EPM2A: variants seen among roughly 807,000 people sequenced by gnomAD.
EPM2A encodes EPM2A glucan phosphatase, laforin, also known as laforin.
A neutral mutation model predicts 26.5 loss-of-function variants in EPM2A; 21 were observed. The ratio of observed to expected loss-of-function variants is 0.79; its 90% confidence interval spans 0.56 to 1.14. The LOEUF is 1.14. Among genes scored for constraint, EPM2A ranks in the 50% most tolerant of loss-of-function variants. The pLI is 0.00. For missense variants in EPM2A, 458 were observed against 440.8 expected, an observed-to-expected ratio of 1.04 and a Z score of -0.35; for synonymous variants, 217 against 177.6, an observed-to-expected ratio of 1.22 and a Z score of -1.76.
At chr6:145,600,443 T>C (rs546472463) in intron 2 of EPM2A, among the ~76,000 whole-genome samples, 1 of 152,198 alleles carries the variant, frequency 6.6e-6, no homozygotes, top group Non-Finnish European at 1.5e-5. Context: ...CCGCCTAAAG[T>C]GCTGTCCTTT....
chr6:145,546,247 G>C (rs1780581704), intron 2 of EPM2A, among the ~76,000 whole-genome samples: 1 of 152,144 alleles, frequency 6.6e-6, no homozygotes, highest in Admixed American at 6.6e-5. Context: ...GCTGGTGCAA[G>C]TTCCAGAGTA....
intron 2 of EPM2A, among the ~76,000 whole-genome samples, chr6:145,684,563 C>T (rs1268389399): frequency 1.3e-5 from 2 of 152,150 alleles, no homozygotes; most frequent in Admixed American, 6.6e-5. Flanking sequence ...CTCTTCTATA[C>T]TTCACTCATT....
At chr6:145,578,361 T>C (rs1050483820) in intron 2 of EPM2A, among the ~76,000 whole-genome samples, 12 of 152,028 alleles carry the variant, frequency 7.9e-5, no homozygotes, top group African/African-American at 2.9e-4. Context: ...AAGGAGACAT[T>C]ACAACGGATA....
chr6:145,668,306 T>A (rs1373398406), intron 2 of EPM2A, among the ~76,000 whole-genome samples: 1 of 151,930 alleles, frequency 6.6e-6, no homozygotes, highest in East Asian at 1.9e-4. Flanking sequence ...ATGGTCAAGA[T>A]AATAAGATGG....
chr6:145,448,568 C>T (rs1012425855), intron 4 of EPM2A, among the ~76,000 whole-genome samples: 4 of 152,060 alleles, frequency 2.6e-5, no homozygotes, highest in Non-Finnish European at 5.9e-5. Context: ...TAAAATAATG[C>T]TTGATGTTTA....
downstream of EPM2A, among the ~76,000 whole-genome samples, chr6:145,499,870 G>T (rs756395087): frequency 3.3e-5 from 5 of 152,168 alleles, no homozygotes; most frequent in Admixed American, 6.5e-5. Context: ...AGTTACATTA[G>T]GGATGCCTGT....
intron 4 of EPM2A, among the ~76,000 whole-genome samples, chr6:145,392,135 G>T (rs965287499): frequency 6.6e-5 from 10 of 152,180 alleles, no homozygotes; most frequent in African/African-American, 2.4e-4. Flanking sequence ...TTAAAGCTTT[G>T]TTGGTCACAA....
intron 2 of EPM2A, among the ~76,000 whole-genome samples, chr6:145,598,312 C>T (rs1177027200): frequency 2.0e-5 from 3 of 152,170 alleles, no homozygotes; most frequent in East Asian, 3.9e-4. Context: ...ATATACATTT[C>T]CCTAATGATC....
At chr6:145,499,083 C>T (rs929833502), downstream of EPM2A, among the ~76,000 whole-genome samples, 4 of 152,058 alleles carry the variant, frequency 2.6e-5, no homozygotes, top group Admixed American at 1.3e-4. Flanking sequence ...TATAGCCAGA[C>T]TAAACTTTTA....
chr6:145,641,581 C>G (rs1777089239), intron 2 of EPM2A, among the ~76,000 whole-genome samples: 1 of 152,180 alleles, frequency 6.6e-6, no homozygotes, highest in Non-Finnish European at 1.5e-5. Flanking sequence ...TAGAGTCATT[C>G]AATCATCCAG....
intron 2 of EPM2A, among the ~76,000 whole-genome samples, chr6:145,504,396 A>G (rs986493204): frequency 7.3e-6 from 1 of 136,718 alleles, no homozygotes; most frequent in Non-Finnish European, 1.6e-5. Flanking sequence ...ACAAATTTAC[A>G]AGAAAAAAAC....
At chr6:145,728,244 C>T (rs577897229) in intron 1 of EPM2A, among the ~76,000 whole-genome samples, 3 of 152,148 alleles carry the variant, frequency 2.0e-5, no homozygotes, top group Non-Finnish European at 4.4e-5. Flanking sequence ...AGGTGCATTA[C>T]TATAAAGATA....
intron 2 of EPM2A, among the ~76,000 whole-genome samples, chr6:145,663,669 C>G (rs1470089830): frequency 6.8e-6 from 1 of 146,480 alleles, no homozygotes. Flanking sequence ...GAGAACGCCA[C>G]AAAGATACTC....
chr6:145,451,724 G>A (rs1448586920), intron 4 of EPM2A, among the ~76,000 whole-genome samples: 2 of 152,096 alleles, frequency 1.3e-5, no homozygotes, highest in African/African-American at 2.4e-5. Flanking sequence ...AGAAAAATAA[G>A]TTATTTGTGT....
At chr6:145,580,887 T>C (rs1781103787) in intron 2 of EPM2A, among the ~76,000 whole-genome samples, 1 of 152,214 alleles carries the variant, frequency 6.6e-6, no homozygotes, top group Non-Finnish European at 1.5e-5. Flanking sequence ...CCATCATGTA[T>C]CTGTACCATA....
At chr6:145,564,119 A>C (rs1030578304) in intron 2 of EPM2A, among the ~76,000 whole-genome samples, 1 of 152,260 alleles carries the variant, frequency 6.6e-6, no homozygotes. Flanking sequence ...AAGAATGACA[A>C]GAAAAATGTC....
intron 2 of EPM2A, among the ~76,000 whole-genome samples, chr6:145,584,232 T>A (rs1781155835): frequency 6.6e-6 from 1 of 151,998 alleles, no homozygotes; most frequent in Non-Finnish European, 1.5e-5. Context: ...GTCAGTAGGG[T>A]CCAGTGTGCT....
intron 4 of EPM2A, among the ~76,000 whole-genome samples, chr6:145,392,234 C>T (rs186419856): frequency 2.0e-3 from 304 of 152,190 alleles, no homozygotes; most frequent in Middle Eastern, 3.4e-3. Context: ...CAGTGTGAGA[C>T]CTTTTGTAAT....
intron 2 of EPM2A, among the ~76,000 whole-genome samples, chr6:145,547,412 G>C (rs1173921783): frequency 1.3e-5 from 2 of 152,062 alleles, no homozygotes; most frequent in Admixed American, 6.6e-5. Context: ...TTTATGTTGA[G>C]CAGATATTCA....
Sources: allele counts gnomAD v4.1 joint callset (sites outside exome capture counted in the v4.1 genomes callset), GRCh38; gene constraint gnomAD v4.1.1; transcripts MANE v1.5; gene names NCBI Gene and HGNC (gene_info 2026-07-23, HGNC 2026-07-21).